The following BTRC variants were observed in gnomAD, a reference collection of about 807,000 sequenced individuals.
BTRC encodes beta-transducin repeat containing E3 ubiquitin protein ligase, also known as F-box/WD repeat-containing protein 1A.
Under a neutral mutation model 85.5 loss-of-function variants are expected in BTRC, and 42 were observed. That is an observed-to-expected ratio of 0.49 (90% CI 0.38 to 0.64). BTRC has a LOEUF of 0.64. Among genes scored for constraint, BTRC ranks in the 30% least tolerant of loss-of-function variants. The pLI, the probability that BTRC is intolerant of heterozygous loss-of-function variation, is 0.00. For missense variants in BTRC, 594 were observed against 743.5 expected (o/e 0.80, Z 2.34); for synonymous variants, 255 against 263.3 (o/e 0.97, Z 0.30).
At chr10:101,444,450 A>G (rs1944770453) in intron 2 of BTRC, among the ~76,000 whole-genome samples, 2 of 152,150 alleles carry the variant, frequency 1.3e-5, no homozygotes, top group Admixed American at 1.3e-4. Flanking sequence ...TTGTCCTGGG[A>G]CCAGCTCTTG....
At chr10:101,385,503 G>C (rs1011573567) in intron 1 of BTRC, among the ~76,000 whole-genome samples, 12 of 150,514 alleles carry the variant, frequency 8.0e-5, no homozygotes, top group Admixed American at 7.3e-4. Context: ...TATCTAAAAT[G>C]TCACTAAATT....
At chr10:101,469,223 G>C (rs1945458828) in intron 3 of BTRC, among the ~76,000 whole-genome samples, 1 of 152,158 alleles carries the variant, frequency 6.6e-6, no homozygotes, top group African/African-American at 2.4e-5. Context: ...GAGTCTTACA[G>C]GAAAATATTG....
At chr10:101,532,750 A>ATGTGTGTGTGTGTGTGTGTG (rs71643587) in intron 8 of BTRC, among the ~76,000 whole-genome samples, 2 of 102,186 alleles carry the variant, frequency 2.0e-5, no homozygotes, top group Non-Finnish European at 3.8e-5. Flanking sequence ...CTGAAGCTAT[A>ATGTGTGTGTGTGTGTGTGTG]TGTGTGTGTG....
chr10:101,516,098 G>GA (rs1191380911), intron 4 of BTRC, among the ~76,000 whole-genome samples: 8 of 152,018 alleles, frequency 5.3e-5, no homozygotes, highest in Non-Finnish European at 7.4e-5. Context: ...AATTAAAATA[G>GA]AAAAAATATA....
At chr10:101,479,245 A>C in intron 3 of BTRC, 123 bp from the exon 4 acceptor site, 1 of 673,840 alleles carries the variant, frequency 1.5e-6, no homozygotes, top group Non-Finnish European at 2.4e-6. Flanking sequence ...AGTTCCCATA[A>C]GTCTTAACTT....
At chr10:101,470,676 A>G (rs1409842963) in intron 3 of BTRC, among the ~76,000 whole-genome samples, 2 of 152,140 alleles carry the variant, frequency 1.3e-5, no homozygotes, top group Non-Finnish European at 2.9e-5. Flanking sequence ...TACCTAAGAA[A>G]TCTTTGTCTA....
chr10:101,537,982 C>T (rs2062411951), intron 12 of BTRC, among the ~76,000 whole-genome samples: 1 of 152,220 alleles, frequency 6.6e-6, no homozygotes, highest in Admixed American at 6.5e-5. Context: ...TCCCTCAGTA[C>T]ATGTGACCTG....
At chr10:101,537,739 T>C (rs2062408591) in intron 12 of BTRC, among the ~76,000 whole-genome samples, 1 of 152,232 alleles carries the variant, frequency 6.6e-6, no homozygotes, top group Admixed American at 6.5e-5. Flanking sequence ...CCATCACTGT[T>C]ACAACCTTGG....
chr10:101,367,726 T>C (rs1402009331), intron 1 of BTRC, among the ~76,000 whole-genome samples: 4 of 152,214 alleles, frequency 2.6e-5, no homozygotes, highest in Non-Finnish European at 5.9e-5. Flanking sequence ...GTGACTGGTA[T>C]CTTTTGTCCC....
rs186502090 is a variant in BTRC, at chr10:101,500,406, A to G, written c.324+20949A>G. On this transcript the variant is annotated intron_variant, in intron 4 of 14. Coordinates refer to ENST00000370187, the MANE Select transcript of BTRC (RefSeq NM_033637.4). The stretch of plus-strand genomic sequence containing the variant: ...TGTATATGCAGTTATTGACTAAAAT[A>G]TCATCACATGGTGCATGACTGTACT... Among the ~76,000 whole-genome samples, 16 of 152,344 alleles carry G rather than the reference A, an allele frequency of 1.1e-4. No homozygotes were observed. In the East Asian group the frequency reaches 1.9e-3, roughly 18 times the overall value.
chr10:101,364,267 A>G (rs1000616087), intron 1 of BTRC, among the ~76,000 whole-genome samples: 19 of 152,190 alleles, frequency 1.2e-4, no homozygotes, highest in African/African-American at 4.6e-4. Context: ...AATACAGCAG[A>G]TTTCTTCTCT....
chr10:101,492,169 C>T (rs148920181), intron 4 of BTRC, among the ~76,000 whole-genome samples: 36 of 152,262 alleles, frequency 2.4e-4, no homozygotes, highest in African/African-American at 8.2e-4. Context: ...ATACCTCAAA[C>T]ATCACTTCTC....
At chr10:101,409,383 T>G (rs1943715265) in intron 1 of BTRC, among the ~76,000 whole-genome samples, 1 of 152,238 alleles carries the variant, frequency 6.6e-6, no homozygotes, top group African/African-American at 2.4e-5. Context: ...TTTAGTCATG[T>G]TATAGCATTT....
chr10:101,446,059 G>A (rs984658458), intron 2 of BTRC, among the ~76,000 whole-genome samples: 2 of 151,998 alleles, frequency 1.3e-5, no homozygotes, highest in African/African-American at 4.8e-5. Context: ...AAGGCATTCA[G>A]CCTGGAGAAA....
chr10:101,429,587 C>G (rs1944348522), intron 1 of BTRC, among the ~76,000 whole-genome samples: 1 of 132,164 alleles, frequency 7.6e-6, no homozygotes, highest in Non-Finnish European at 1.6e-5. Flanking sequence ...TCTCTCTTTT[C>G]TCTCTCCTTT....
chr10:101,511,797 G>C (rs2061958164), intron 4 of BTRC, among the ~76,000 whole-genome samples: 3 of 152,164 alleles, frequency 2.0e-5, no homozygotes, highest in African/African-American at 7.2e-5. Flanking sequence ...AAAGTGCTGG[G>C]ATTACAGGCG....
intron 6 of BTRC, among the ~76,000 whole-genome samples, 165 bp from the exon 7 acceptor site, chr10:101,531,072 G>A (rs2062273027): frequency 6.6e-6 from 1 of 152,210 alleles, no homozygotes; most frequent in South Asian, 2.1e-4. Flanking sequence ...TCAGGAGGCT[G>A]AGGCAGGAGA....
chr10:101,520,850 G>A lies in BTRC; in HGVS notation c.325-789G>A, dbSNP rs910944921. ...GTGGGCACCTGTAGTCCCAATACTTGGGAGGCTGAGGCAGGAGAATCGCTT... is the reference window on the plus strand; with the variant it reads ...GTGGGCACCTGTAGTCCCAATACTTAGGAGGCTGAGGCAGGAGAATCGCTT... On this transcript the variant is annotated intron_variant, in intron 4 of 14. Coordinates refer to ENST00000370187, the MANE Select transcript of BTRC (RefSeq NM_033637.4). Among the ~76,000 whole-genome samples, 2 of 152,244 alleles carry A rather than the reference G, an allele frequency of 1.3e-5. 1 individual carries two copies.
chr10:101,533,683 T>C (rs2062335583), intron 9 of BTRC, among the ~76,000 whole-genome samples: 1 of 151,768 alleles, frequency 6.6e-6, no homozygotes, highest in Non-Finnish European at 1.5e-5. Flanking sequence ...TTAGCAAACA[T>C]AATGCATCAA....
Sources: gnomAD v4.1 joint callset for allele counts (sites outside exome capture counted in the v4.1 genomes callset) on GRCh38, gnomAD v4.1.1 for gene constraint, MANE v1.5 for transcripts, NCBI Gene and HGNC (gene_info 2026-07-23, HGNC 2026-07-21) for gene names.